GLIS1: variants seen among roughly 807,000 people sequenced by gnomAD.
The protein encoded by GLIS1 is zinc finger protein GLIS1.
Under a neutral mutation model 63.8 loss-of-function variants are expected in GLIS1, and 24 were observed. The ratio of observed to expected loss-of-function variants is 0.38; its 90% CI spans 0.27 to 0.53. The LOEUF (loss-of-function observed/expected upper bound fraction) is 0.53, where lower values mean the gene tolerates loss of function less well. Among genes scored for constraint, GLIS1 ranks in the 20% least tolerant of loss-of-function variants. The pLI is 0.85. For missense variants in GLIS1, 1,036 were observed against 1,074.1 expected, an observed-to-expected ratio of 0.96 and a Z score of 0.50; for synonymous variants, 450 against 482.5, an observed-to-expected ratio of 0.93 and a Z score of 0.88.
intron 2 of GLIS1, among the ~76,000 whole-genome samples, chr1:53,674,296 A>T (rs1646188461): frequency 6.6e-6 from 1 of 152,174 alleles, no homozygotes; most frequent in African/African-American, 2.4e-5. Context: ...GTCCAGTGGC[A>T]TCAGCATCGC....
In GLIS1 at chr1:53,594,566, G is replaced by T. The variant is rs1645231782; in HGVS notation, c.862C>A (p.Leu288Met). 6.3e-7 allele frequency: 1 copy of T among 1,599,364 alleles called. No individual in the cohort carries two copies. The highest frequency in any genetic ancestry group is 1.7e-5 in the Admixed American group (1 of 59,520). Reference sequence around the variant, plus strand: ...CGGGCCCGCTTGGAAGGGCCCCCCAGATCTCCCGTCAGAGGGGGGCTCCGG... The same window carrying T: ...CGGGCCCGCTTGGAAGGGCCCCCCATATCTCCCGTCAGAGGGGGGCTCCGG... ...GLRSPPLTGD[L>M]GGPSKRARPG... Residue 288 changes from leucine to methionine, a missense_variant, in exon 4 of 11, where the codon CTG (leucine) becomes ATG (methionine). By Grantham distance (15) the Leu-to-Met change is conservative (BLOSUM62 2). Transcript: ENST00000628545.
chr1:53,508,465 G>C (rs1644260740), intron 10 of GLIS1, among the ~76,000 whole-genome samples: 1 of 152,216 alleles, frequency 6.6e-6, no homozygotes. Context: ...TGGGCCCCGA[G>C]GCTGTTTTGA....
chr1:53,731,355 G>C lies in GLIS1; in HGVS notation c.259+6451C>G, dbSNP rs559253119. Among the ~76,000 whole-genome samples the C allele has an allele frequency of 5.3e-5, 8 of 152,304 alleles. No homozygotes were observed. In the East Asian group the frequency reaches 9.6e-4, roughly 18 times the overall value. ...TCCCCTGTAAGTCGCACCTCAGCCTGTTGGCTGAGACTGAGAAAGGGGTGC... is the reference window on the plus strand; with the variant it reads ...TCCCCTGTAAGTCGCACCTCAGCCTCTTGGCTGAGACTGAGAAAGGGGTGC... On this transcript the variant is annotated intron_variant, in intron 2 of 10. Coordinates refer to ENST00000628545, the MANE Select transcript of GLIS1 (RefSeq NM_001367484.1).
chr1:53,620,141 G>A (rs987570048), intron 2 of GLIS1, among the ~76,000 whole-genome samples: 3 of 152,238 alleles, frequency 2.0e-5, no homozygotes, highest in African/African-American at 7.2e-5. Flanking sequence ...AGTGATGACA[G>A]TCATACCAGG....
chr1:53,642,511 A>ACTTT (rs1381905559), intron 2 of GLIS1, among the ~76,000 whole-genome samples: 1 of 152,074 alleles, frequency 6.6e-6, no homozygotes, highest in Non-Finnish European at 1.5e-5. Flanking sequence ...TATTCTCAAG[A>ACTTT]CTTTACAGAA....
rs1267336836 is a variant in GLIS1 at position 53,646,235 on chromosome 1, G to T, written c.260-45957C>A. The stretch of plus-strand genomic sequence containing the variant: ...AGATTACCTCTAGTGGGTAAGCAGG[G>T]ATGAAAGAAATAAAATATATAAGAA... On this transcript the variant is annotated intron_variant, in intron 2 of 10. Coordinates refer to ENST00000628545, the MANE Select transcript of GLIS1 (RefSeq NM_001367484.1). This position sits in a 1 kb window ranked among gnomAD's most constrained non-coding sequence, Gnocchi z 4.2. Among the ~76,000 whole-genome samples, 2 of 152,046 alleles carry T rather than the reference G, an allele frequency of 1.3e-5. No individual in the cohort carries two copies. Among genetic ancestry groups the T allele is most frequent in the Non-Finnish European group, 2.9e-5 (2 of 68,024 alleles).
intron 2 of GLIS1, among the ~76,000 whole-genome samples, chr1:53,721,558 C>A (rs111387233): frequency 6.6e-6 from 1 of 152,020 alleles, no homozygotes; most frequent in African/African-American, 2.4e-5. Context: ...ACACCTGGTG[C>A]CCCCTGAAGG....
chr1:53,679,124 T>C (rs984082899), intron 2 of GLIS1, among the ~76,000 whole-genome samples: 1 of 152,032 alleles, frequency 6.6e-6, no homozygotes, highest in Admixed American at 6.5e-5. Flanking sequence ...GGAGCAACCT[T>C]ACATCCCACT....
intron 10 of GLIS1, 117 bp downstream of exon 10, chr1:53,509,003 G>A (rs964405689): frequency 4.0e-5 from 41 of 1,035,300 alleles, no homozygotes; most frequent in East Asian, 5.4e-5. Flanking sequence ...CTGTAAAGTG[G>A]GGATGGCCCC....
intron 2 of GLIS1, among the ~76,000 whole-genome samples, chr1:53,699,283 C>T (rs1338906960): frequency 1.3e-5 from 2 of 152,072 alleles, no homozygotes; most frequent in Non-Finnish European, 2.9e-5. Context: ...AGGCTGGTAT[C>T]GAACTCCTGA....
chr1:53,621,140 C>T (rs1478454334), intron 2 of GLIS1, among the ~76,000 whole-genome samples: 1 of 152,214 alleles, frequency 6.6e-6, no homozygotes, highest in African/African-American at 2.4e-5. Flanking sequence ...CTGTCAAATG[C>T]AGATCATCAT....
chr1:53,595,053 T>G (rs1569886695), intron 3 of GLIS1, 63 bp from the exon 4 acceptor site: 1 of 1,350,068 alleles, frequency 7.4e-7, no homozygotes, highest in Non-Finnish European at 9.5e-7. Context: ...AAGGCTCAGG[T>G]GGGGGCAGAC....
At chr1:53,529,067 C>T (rs918640312) in intron 5 of GLIS1, among the ~76,000 whole-genome samples, 3 of 152,342 alleles carry the variant, frequency 2.0e-5, no homozygotes, top group Non-Finnish European at 4.4e-5. Context: ...TTCGTGACTG[C>T]CCCTGCCCAG....
intron 4 of GLIS1, among the ~76,000 whole-genome samples, chr1:53,550,825 C>G (rs1434706655): frequency 1.3e-5 from 2 of 152,136 alleles, no homozygotes; most frequent in African/African-American, 2.4e-5. Context: ...ACGCTCCCCA[C>G]TCCAAAATCC....
At chr1:53,575,112 A>G (rs1645020385) in intron 4 of GLIS1, among the ~76,000 whole-genome samples, 6 of 152,230 alleles carry the variant, frequency 3.9e-5, no homozygotes, top group Admixed American at 2.6e-4. Flanking sequence ...AATGGCAACT[A>G]AAGATACTAT....
intron 4 of GLIS1, among the ~76,000 whole-genome samples, chr1:53,547,225 C>T (rs745908116): frequency 6.6e-6 from 1 of 152,258 alleles, no homozygotes; most frequent in African/African-American, 2.4e-5. Context: ...GGCGAAAAGA[C>T]CTGCTCAAGG....
chr1:53,653,687 G>A (rs1041431053), intron 2 of GLIS1, among the ~76,000 whole-genome samples: 2 of 152,156 alleles, frequency 1.3e-5, no homozygotes, highest in Non-Finnish European at 2.9e-5. Context: ...GCCTGCAGAT[G>A]TTTTATCCAG....
chr1:53,615,855 A>G (rs1250644482), intron 2 of GLIS1, among the ~76,000 whole-genome samples: 5 of 151,762 alleles, frequency 3.3e-5, no homozygotes, highest in Non-Finnish European at 7.4e-5. Flanking sequence ...TCAAGCAATA[A>G]CTCATGCCTC....
chr1:53,544,985 C>T (rs1356751771), intron 4 of GLIS1, among the ~76,000 whole-genome samples: 1 of 152,210 alleles, frequency 6.6e-6, no homozygotes, highest in Non-Finnish European at 1.5e-5. Flanking sequence ...GCAAGGCTCC[C>T]CAAGGCTTCC....
Sources: gnomAD v4.1 joint callset for allele counts (sites outside exome capture counted in the v4.1 genomes callset) on GRCh38, gnomAD v4.1.1 for gene constraint, Gnocchi (gnomAD v3.1) non-coding constraint, MANE v1.5 for transcripts, NCBI Gene and HGNC (gene_info 2026-07-23, HGNC 2026-07-21) for gene names.